The following GPD2 variants were observed in gnomAD, a reference collection of about 807,000 sequenced individuals.
The protein encoded by GPD2 is glycerol-3-phosphate dehydrogenase 2, also known as glycerol-3-phosphate dehydrogenase, mitochondrial.
GPD2 carries 54 observed loss-of-function variants against 82.4 expected under a neutral mutation model. That is an observed-to-expected ratio of 0.66 (90% CI 0.53 to 0.82). The LOEUF is 0.82. Ranked by LOEUF, GPD2 falls within the 40% of genes least tolerant of loss-of-function variation. The probability of loss-of-function intolerance (pLI) is 0.00; values close to 1 mark genes in which losing one functional copy is unlikely to be tolerated. For synonymous variants in GPD2, 288 were observed against 306.1 expected (o/e 0.94, Z 0.62); for missense variants, 748 against 896.2 (o/e 0.83, Z 2.11).
intron 1 of GPD2, among the ~76,000 whole-genome samples, chr2:156,464,181 T>C (rs917199095): frequency 1.7e-4 from 26 of 152,204 alleles, no homozygotes; most frequent in Admixed American, 5.2e-4. Flanking sequence ...GGAAATACAT[T>C]GTTTTCACTT....
intron 4 of GPD2, 34 bp from the exon 5 acceptor site, chr2:156,512,186 C>G: frequency 9.9e-7 from 1 of 1,014,888 alleles, no homozygotes; most frequent in Non-Finnish European, 1.6e-6. Flanking sequence ...TGATCTGTTA[C>G]TGCCAAACTA....
chr2:156,415,423 G>A, the GPD2 span, among the ~76,000 whole-genome samples: 1 of 151,848 alleles, frequency 6.6e-6, no homozygotes, highest in Non-Finnish European at 1.5e-5. Flanking sequence ...CTTCCAAAGT[G>A]CTGGGATTAC....
intron 2 of GPD2, among the ~76,000 whole-genome samples, chr2:156,488,001 G>A (rs187523186): frequency 6.6e-5 from 10 of 152,254 alleles, no homozygotes; most frequent in Admixed American, 6.5e-4. Flanking sequence ...TTTCTCAAAG[G>A]AATCACAGTC....
intron 6 of GPD2, among the ~76,000 whole-genome samples, chr2:156,519,353 A>T (rs775516642): frequency 3.3e-5 from 5 of 152,188 alleles, no homozygotes; most frequent in Admixed American, 2.0e-4. Flanking sequence ...TCATCTCCCA[A>T]TGTTTAATTT....
intron 9 of GPD2, among the ~76,000 whole-genome samples, chr2:156,561,394 T>G (rs1687171563): frequency 6.6e-6 from 1 of 152,112 alleles, no homozygotes; most frequent in African/African-American, 2.4e-5. Context: ...AATTTGAGTA[T>G]AAGTAAGTCT....
intron 1 of GPD2, among the ~76,000 whole-genome samples, chr2:156,449,898 C>T (rs1020385477): frequency 6.7e-6 from 1 of 150,068 alleles, no homozygotes; most frequent in African/African-American, 2.4e-5. Flanking sequence ...GCCTGTAATC[C>T]CAGCTACTAG....
chr2:156,489,478 G>C (rs915995260), intron 2 of GPD2, among the ~76,000 whole-genome samples: 1 of 152,128 alleles, frequency 6.6e-6, no homozygotes, highest in African/African-American at 2.4e-5. Flanking sequence ...GTCTGTATAA[G>C]AGGTGCCTCC....
intron 13 of GPD2, among the ~76,000 whole-genome samples, chr2:156,574,195 A>C (rs1687737068): frequency 1.3e-5 from 2 of 151,094 alleles, no homozygotes; most frequent in African/African-American, 4.8e-5. Flanking sequence ...TTGTTAGAGG[A>C]GTTGGCAGGA....
At chr2:156,483,987 CT>C (rs10610989) in intron 2 of GPD2, among the ~76,000 whole-genome samples, 46,885 of 92,110 alleles carry the variant, frequency 0.51, 13,266 homozygotes, top group Non-Finnish European at 0.68. Context: ...TGCTTGCTTG[CT>C]TTTTTTTTTT....
At chr2:156,569,337 T>A (rs199873826) in intron 10 of GPD2, 26 bp from the exon 11 acceptor site, 136 of 1,534,604 alleles carry the variant, frequency 8.9e-5, no homozygotes, top group South Asian at 2.3e-4. Flanking sequence ...GGCAACCTGA[T>A]GAATTGTCTA....
intron 9 of GPD2, among the ~76,000 whole-genome samples, chr2:156,565,408 A>G (rs894964158): frequency 6.6e-6 from 1 of 152,140 alleles, no homozygotes; most frequent in African/African-American, 2.4e-5. Context: ...GACTGGTAAA[A>G]TTGTGTAAAG....
In GPD2 at chr2:156,553,038, G is replaced by A. The variant is rs914538925; in HGVS notation, c.971+2292G>A. Among the ~76,000 whole-genome samples, 10 of 151,062 alleles carry A rather than the reference G, an allele frequency of 6.6e-5. No individual in the cohort carries two copies. The East Asian group carries it at 1.6e-3, about 24-fold the overall frequency. ...CCTCAGCCTCCCGAGTAGCTCGCCC[G>A]CCACCACACCCAGCTAATTTTCATA... On this transcript the variant is annotated intron_variant, in intron 8 of 16. Transcript: ENST00000438166.
chr2:156,450,517 A>G (rs1682517530), intron 1 of GPD2, among the ~76,000 whole-genome samples: 1 of 152,034 alleles, frequency 6.6e-6, no homozygotes, highest in Non-Finnish European at 1.5e-5. Context: ...TAAAAAAGAG[A>G]CGGTTCTACT....
At chr2:156,501,232 A>T (rs1440064107) in intron 3 of GPD2, among the ~76,000 whole-genome samples, 1 of 152,016 alleles carries the variant, frequency 6.6e-6, no homozygotes, top group Non-Finnish European at 1.5e-5. Flanking sequence ...TCCAGAGAAG[A>T]CTGCCTCTTT....
intron 1 of GPD2, among the ~76,000 whole-genome samples, chr2:156,453,076 G>A (rs1309538982): frequency 6.6e-6 from 1 of 152,168 alleles, no homozygotes; most frequent in Admixed American, 6.5e-5. Context: ...GGTCAGTGTG[G>A]ATTGCACATT....
chr2:156,554,637 T>G (rs1159973469), intron 8 of GPD2, among the ~76,000 whole-genome samples: 1 of 152,326 alleles, frequency 6.6e-6, no homozygotes, highest in East Asian at 1.9e-4. Flanking sequence ...TTAAAGCTGC[T>G]CTTTATATTA....
chr2:156,496,143 T>C lies in GPD2; in HGVS notation c.202T>C (p.Ser68Pro). ...TCAGCTACTGACTTTGCAAAACACATCTGAATTTGATATCCTTGTTATTGG... is the reference window on the plus strand; with the variant it reads ...TCAGCTACTGACTTTGCAAAACACACCTGAATTTGATATCCTTGTTATTGG... ...EAQLLTLQNT[S>P]EFDILVIGGG... is the part of the protein sequence containing the mutation. Residue 68 changes from serine to proline, a missense_variant, in exon 3 of 17, where the codon TCT (serine) becomes CCT (proline). By Grantham distance (74) the Ser-to-Pro change is moderately conservative (BLOSUM62 -1). This residue lies in a region of GPD2 where 692 missense variants were observed against 809.7 expected (regional missense o/e 0.85). Transcript: ENST00000438166. 1.2e-6 allele frequency: 2 copies of C among 1,612,788 alleles called. No individual in the cohort carries two copies. The highest frequency in any genetic ancestry group is 1.7e-6 in the Non-Finnish European group (2 of 1,178,910).
At chr2:156,530,506 G>A (rs1252246372) in intron 6 of GPD2, among the ~76,000 whole-genome samples, 1 of 150,218 alleles carries the variant, frequency 6.7e-6, no homozygotes, top group African/African-American at 2.4e-5. Flanking sequence ...CCTGTCTTGT[G>A]CCAGTTTTCA....
chr2:156,518,794 C>G (rs890045750), intron 6 of GPD2, among the ~76,000 whole-genome samples: 6 of 152,070 alleles, frequency 3.9e-5, no homozygotes, highest in Non-Finnish European at 8.8e-5. Flanking sequence ...TGGGTGTTAC[C>G]TACTTTAAAT....
Sources: gnomAD v4.1 joint callset for allele counts (sites outside exome capture counted in the v4.1 genomes callset) on GRCh38, gnomAD v4.1.1 for gene constraint, gnomAD v4.1.1 regional missense constraint, MANE v1.5 for transcripts, NCBI Gene and HGNC (gene_info 2026-07-23, HGNC 2026-07-21) for gene names.